The following CERCAM variants were observed in gnomAD, a reference collection of about 807,000 sequenced individuals.
The protein encoded by CERCAM is inactive glycosyltransferase 25 family member 3.
CERCAM carries 59 observed loss-of-function variants against 66.0 expected under a neutral mutation model. The observed-to-expected ratio is 0.89, with a 90% confidence interval of 0.73 to 1.11. The LOEUF (loss-of-function observed/expected upper bound fraction) is 1.11. CERCAM is among the 50% of genes most tolerant of loss of function. The probability of loss-of-function intolerance (pLI) is 0.00; values close to 1 mark genes in which losing one functional copy is unlikely to be tolerated. For missense variants in CERCAM, 840 were observed against 828.3 expected (o/e 1.01, Z -0.17); for synonymous variants, 318 against 343.6 (o/e 0.93, Z 0.83).
rs1833783941 is a variant in CERCAM, at chr9:128,424,272, G to A, written c.561G>A (p.Gln187=). 1 of 1,614,014 alleles carries A rather than the reference G, an allele frequency of 6.2e-7. No individual in the cohort carries two copies. Among genetic ancestry groups the A allele is most frequent in the Non-Finnish European group, 8.5e-7 (1 of 1,179,964 alleles). The change falls in exon 4 of 13, where the codon CAG becomes CAA. Residue 187 remains glutamine, a splice_region_variant and synonymous_variant. Coordinates refer to ENST00000372838, the MANE Select transcript of CERCAM (RefSeq NM_016174.5). ...YSNFWCGITP[Q]GYYRRTAEYF... ...ACTTCTGGTGTGGGATCACCCCCCAGGTGAGGCCGGGATGGGGGCCTTGGG... is the reference window on the plus strand; with the variant it reads ...ACTTCTGGTGTGGGATCACCCCCCAAGTGAGGCCGGGATGGGGGCCTTGGG...
Position 128,431,218 on chromosome 9 carries a change from CG to C in CERCAM, c.1121del (p.Gly374AlafsTer11). Reference protein sequence around the residue: ...AIRNLGVDLLPGYQDPYSGRT... With the variant: ...AIRNLGVDLLXGYQDPYSGRT... Reference sequence around the variant, plus strand: ...AGGAACCTCGGCGTAGACCTGCTCCCGGGCTACCAGGACCCTTACTCGGGCC... The same window carrying C: ...AGGAACCTCGGCGTAGACCTGCTCCCGGCTACCAGGACCCTTACTCGGGCC... On this transcript the variant is annotated frameshift_variant, in exon 9 of 13. Coordinates refer to ENST00000372838, the MANE Select transcript of CERCAM (RefSeq NM_016174.5). LOFTEE classifies it high-confidence loss of function. 1 of 1,614,028 alleles carries C rather than the reference CG, an allele frequency of 6.2e-7. No homozygotes were observed. Among genetic ancestry groups the C allele is most frequent in the Non-Finnish European group, 8.5e-7 (1 of 1,180,008 alleles).
In CERCAM at chr9:128,429,979, T is replaced by G. The variant is rs111379866; in HGVS notation, c.1070+943T>G. ...TAAAAAAAATGTTTTGTTTTGTTTT[T>G]TTTTCATAGAGATAGGGTCTCACTC... On this transcript the variant is annotated intron_variant, in intron 8 of 12. Coordinates refer to ENST00000372838, the MANE Select transcript of CERCAM (RefSeq NM_016174.5). Among the ~76,000 whole-genome samples, 257 of 145,658 alleles carry G rather than the reference T, an allele frequency of 1.8e-3. 1 individual carries two copies. The highest frequency in any genetic ancestry group is 2.1e-3 in the East Asian group (10 of 4,744).
At chr9:128,419,690 C>T (rs1833664267), upstream of CERCAM, 1 of 152,264 alleles carries the variant, frequency 6.6e-6, no homozygotes, top group Non-Finnish European at 1.5e-5. Flanking sequence ...TTTTCTGCTC[C>T]TCTCCCGAGA....
Position 128,420,874 on chromosome 9 carries a change from C to A in CERCAM, c.-4C>A, listed in dbSNP as rs891554773. Reference sequence around the variant, plus strand: ...GGGCCGCTGCAGCCGCCCAAGCGCCCGCCATGCGCGCTGCCCGCGCCGCGC... The same window carrying A: ...GGGCCGCTGCAGCCGCCCAAGCGCCAGCCATGCGCGCTGCCCGCGCCGCGC... On this transcript the variant is annotated 5_prime_UTR_variant, in exon 1 of 13. Coordinates refer to ENST00000372838, the MANE Select transcript of CERCAM (RefSeq NM_016174.5). This position sits in a 1 kb window ranked among gnomAD's most constrained non-coding sequence, Gnocchi z 5.0. 5 of 1,256,962 alleles carry A rather than the reference C, an allele frequency of 4.0e-6. No individual in the cohort carries two copies. The highest frequency in any genetic ancestry group is 5.7e-5 in the South Asian group (2 of 34,954). The allele number at this position is 1,256,962 out of a possible 1,614,324, so 77.9% of individuals were successfully genotyped here. A position where few individuals can be genotyped will look rare whatever the true frequency, so the allele number is the denominator to read the frequency against.
chr9:128,421,258 C>T (rs1833703663), intron 1 of CERCAM, 184 bp downstream of exon 1: 3 of 1,234,970 alleles, frequency 2.4e-6, no homozygotes, highest in Non-Finnish European at 3.0e-6. Flanking sequence ...TGCTGGGAGA[C>T]GACAGACCTC....
chr9:128,424,050 G>C, intron 3 of CERCAM, 88 bp from the exon 4 acceptor site: 1 of 1,464,630 alleles, frequency 6.8e-7, no homozygotes, highest in African/African-American at 1.4e-5. Context: ...TAGGAGCCAC[G>C]CTGGGTCTCT....
In CERCAM at chr9:128,424,459, G is replaced by A. The variant is rs200371702; in HGVS notation, c.611G>A (p.Arg204His). 13 of 1,613,882 alleles carry A rather than the reference G, an allele frequency of 8.1e-6. No individual in the cohort carries two copies. Among genetic ancestry groups the A allele is most frequent in the African/African-American group, 8.0e-5 (6 of 74,956 alleles). ...AEYFPTKNRQ[R>H]RGCFRVPMVH... ...TACTTCCCCACCAAGAACCGCCAGCGCCGGGGCTGCTTCCGTGTCCCCATG... is the reference window on the plus strand; with the variant it reads ...TACTTCCCCACCAAGAACCGCCAGCACCGGGGCTGCTTCCGTGTCCCCATG... Residue 204 changes from arginine (R) to histidine (H), a missense_variant, in exon 5 of 13, where the codon CGC becomes CAC. Arg to His is a conservative substitution (Grantham distance 29). Transcript: ENST00000372838.
At chr9:128,424,649 G>C (rs1305017252) in intron 5 of CERCAM, 35 bp downstream of exon 5, 2 of 1,591,962 alleles carry the variant, frequency 1.3e-6, no homozygotes, top group African/African-American at 2.7e-5. Context: ...TTCCTTGGAG[G>C]CCTCTGCACA....
chr9:128,431,079 C>T (rs1182470268), intron 8 of CERCAM, 92 bp from the exon 9 acceptor site: 1 of 1,460,852 alleles, frequency 6.8e-7, no homozygotes, highest in African/African-American at 1.4e-5. Flanking sequence ...AAACCCGACT[C>T]CAGTGTGACT....
At chr9:128,422,704 G>A in intron 1 of CERCAM, 164 bp from the exon 2 acceptor site, 2 of 699,428 alleles carry the variant, frequency 2.9e-6, no homozygotes, top group Non-Finnish European at 4.7e-6. Flanking sequence ...AACTGTGGTG[G>A]GGACCTGGCT....
intron 2 of CERCAM, 80 bp from the exon 3 acceptor site, chr9:128,423,066 C>T: frequency 6.2e-7 from 1 of 1,603,340 alleles, no homozygotes; most frequent in Non-Finnish European, 8.5e-7. Flanking sequence ...CCACAGCCTC[C>T]AAGCCAGGGC....
rs1258021263 is a variant in CERCAM, at chr9:128,423,246, G to A, written c.409G>A (p.Gly137Arg). The change falls in exon 3 of 13, where the codon GGG becomes AGG. Residue 137 changes from glycine (G) to arginine (R), a missense_variant. Gly to Arg is a moderately radical substitution (Grantham distance 125). Coordinates refer to ENST00000372838, the MANE Select transcript of CERCAM (RefSeq NM_016174.5). ...QEALTFARNW[G>R]ADYILFADTD... ...AGCCCTCACCTTTGCCAGGAACTGG[G>A]GGGCCGACTATATCCTGGTGAGGAA... 1 of 1,613,886 alleles carries A rather than the reference G, an allele frequency of 6.2e-7. No homozygotes were observed. Among genetic ancestry groups the A allele is most frequent in the Non-Finnish European group, 8.5e-7 (1 of 1,179,890 alleles).
At chr9:128,431,107 G>T in intron 8 of CERCAM, 64 bp from the exon 9 acceptor site, 2 of 1,588,156 alleles carry the variant, frequency 1.3e-6, no homozygotes, top group South Asian at 2.3e-5. Flanking sequence ...ACATGCACAG[G>T]CCTGGCCCCT....
At chr9:128,436,405 G>A (rs1834115610) in intron 12 of CERCAM, among the ~76,000 whole-genome samples, 2 of 152,038 alleles carry the variant, frequency 1.3e-5, no homozygotes, top group Admixed American at 6.6e-5. Flanking sequence ...CCACCACCAC[G>A]TCCGGCTAAA....
intron 1 of CERCAM, chr9:128,421,512 G>T: frequency 1.0e-6 from 1 of 988,940 alleles, no homozygotes; most frequent in Non-Finnish European, 1.2e-6. Flanking sequence ...CCGGGCACAG[G>T]TTGGGGGTGC....
chr9:128,421,082 AC>A lies in CERCAM; in HGVS notation c.197+11del, dbSNP rs1167106098. On this transcript the variant is annotated intron_variant, in intron 1 of 12. Coordinates refer to ENST00000372838, the MANE Select transcript of CERCAM (RefSeq NM_016174.5). The stretch of plus-strand genomic sequence containing the variant: ...GGCCAGGATGGCCCTCTGGTGAGAG[AC>A]CCGGGCATTGGCACCGAGTGGGCAC... The A allele has an allele frequency of 2.9e-5, 38 of 1,288,610 alleles. No homozygotes were observed. The highest frequency in any genetic ancestry group is 3.6e-5 in the Non-Finnish European group (37 of 1,015,074). The allele number at this position is 1,288,610 out of a possible 1,614,324, so 79.8% of individuals were successfully genotyped here.
chr9:128,436,021 C>A, intron 12 of CERCAM, 116 bp downstream of exon 12: 1 of 1,128,516 alleles, frequency 8.9e-7, no homozygotes, highest in Non-Finnish European at 1.2e-6. Flanking sequence ...TCTCCCTCTC[C>A]ATCTCTAGCT....
chr9:128,434,420 C>T lies in CERCAM; in HGVS notation c.1342C>T (p.Arg448Trp), dbSNP rs529782145. 24 of 1,613,962 alleles carry T rather than the reference C, an allele frequency of 1.5e-5. 1 individual carries two copies. The highest frequency in any genetic ancestry group is 1.7e-4 in the Middle Eastern group (1 of 6,046). The change falls in exon 11 of 13, where the codon CGG becomes TGG. Residue 448 changes from arginine to tryptophan, a missense_variant. By Grantham distance (101) the Arg-to-Trp change is moderately radical. Transcript: ENST00000372838. This position sits in a 1 kb window ranked among gnomAD's most constrained non-coding sequence, Gnocchi z 4.5. ...TGGTGTCACTTACAGCTACCTCGGA[C>T]GGAAGCAGGTGAACCCTGAGAAGGA... Reference protein sequence around the residue: ...KLSWDLIYLGRKQVNPEKETA... With the variant: ...KLSWDLIYLGWKQVNPEKETA...
intron 8 of CERCAM, among the ~76,000 whole-genome samples, chr9:128,429,355 A>T: frequency 6.6e-6 from 1 of 152,160 alleles, no homozygotes; most frequent in Middle Eastern, 3.2e-3. Flanking sequence ...TAAACAGCAG[A>T]TAACTGTGCC....
Sources: allele counts gnomAD v4.1 joint callset (sites outside exome capture counted in the v4.1 genomes callset), GRCh38; gene constraint gnomAD v4.1.1; non-coding constraint Gnocchi (gnomAD v3.1); transcripts MANE v1.5; gene names NCBI Gene and HGNC (gene_info 2026-07-23, HGNC 2026-07-21).